SLC22A15: variants seen among roughly 807,000 people sequenced by gnomAD.
The protein encoded by SLC22A15 is flipt 1.
Under a neutral mutation model 62.7 loss-of-function variants are expected in SLC22A15, and 45 were observed. The observed-to-expected ratio is 0.72, with a 90% CI of 0.56 to 0.92. SLC22A15 has a LOEUF of 0.92. Among genes scored for constraint, SLC22A15 ranks in the 40% least tolerant of loss-of-function variants. SLC22A15 has a pLI of 0.00. For synonymous variants in SLC22A15, 264 were observed against 267.0 expected (o/e 0.99, Z 0.11); for missense variants, 622 against 665.6 (o/e 0.93, Z 0.72).
At position 115,992,031 on chromosome 1, in the gene SLC22A15, C is replaced by G; in HGVS notation, c.88C>G (p.Leu30Val). The G allele has an allele frequency of 6.2e-7, 1 of 1,613,010 alleles. No individual in the cohort carries two copies. Among genetic ancestry groups the G allele is most frequent in the Non-Finnish European group, 8.5e-7 (1 of 1,179,740 alleles). ...LCFLLAVLLQ[L>V]YVATEAILIA... ...TGGTTCTGTGTGTTTGCTCTTTCAG[C>G]TCTACGTGGCCACGGAGGCCATCCT... Residue 30 changes from leucine to valine, a missense_variant and splice_region_variant, in exon 2 of 12, where the codon CTC (leucine) becomes GTC (valine). Leu to Val is a conservative substitution (Grantham distance 32). Coordinates refer to ENST00000369503, the MANE Select transcript of SLC22A15 (RefSeq NM_018420.3).
Position 116,062,811 on chromosome 1 carries a change from G to C in SLC22A15, c.1221G>C (p.Gly407=). The part of the protein sequence containing the change: ...VVNSHSLSLL[G]KLTISAAFNI... ...ACAGCCATTCCTTGTCCTTGCTGGG[G>C]AAGCTGACCATCAGTGCTGCCTTTA... is the stretch of plus-strand genomic sequence containing the variant. Residue 407 remains glycine, a synonymous_variant, in exon 9 of 12, where the codon GGG becomes GGC. Coordinates refer to ENST00000369503, the MANE Select transcript of SLC22A15 (RefSeq NM_018420.3). 1 of 1,613,904 alleles carries C rather than the reference G, an allele frequency of 6.2e-7. No homozygotes were observed. Among genetic ancestry groups the C allele is most frequent in the Non-Finnish European group, 8.5e-7 (1 of 1,179,830 alleles).
intron 8 of SLC22A15, among the ~76,000 whole-genome samples, chr1:116,043,645 A>G (rs1657851176): frequency 6.6e-6 from 1 of 152,160 alleles, no homozygotes; most frequent in Admixed American, 6.5e-5. Context: ...ATAAAAGCAA[A>G]AAAATCAATG....
intron 5 of SLC22A15, among the ~76,000 whole-genome samples, chr1:116,028,070 T>C (rs1401140108): frequency 6.6e-6 from 1 of 152,214 alleles, no homozygotes; most frequent in Non-Finnish European, 1.5e-5. Context: ...AGACCTGTAG[T>C]AGTGTTTTAA....
rs1373479517 is a variant in SLC22A15 at position 115,976,763 on chromosome 1, G to A, written c.87+49G>A. On this transcript the variant is annotated intron_variant, in intron 1 of 11. Transcript: ENST00000369503. ...CGCATTTCCCTCTTCAGGGCCGCCC[G>A]GCGCAGGGCTAGGCGTCCGCTCCCA... The A allele has an allele frequency of 4.2e-6, 6 of 1,443,684 alleles. No individual in the cohort carries two copies. In the African/African-American group the frequency reaches 5.8e-5, roughly 14 times the overall value. The allele number at this position is 1,443,684 out of a possible 1,614,324, so 89.4% of individuals were successfully genotyped here.
At chr1:115,985,839 C>T (rs904913303) in intron 1 of SLC22A15, among the ~76,000 whole-genome samples, 27 of 149,178 alleles carry the variant, frequency 1.8e-4, no homozygotes, top group Non-Finnish European at 2.5e-4. Context: ...CCCAGCTACT[C>T]GGGAGGCTGA....
Position 116,027,006 on chromosome 1 carries a change from G to T in SLC22A15, c.712G>T (p.Val238Phe). The T allele has an allele frequency of 6.2e-7, 1 of 1,613,602 alleles. No homozygotes were observed. Among genetic ancestry groups the T allele is most frequent in the Non-Finnish European group, 8.5e-7 (1 of 1,179,716 alleles). The stretch of plus-strand genomic sequence containing the variant: ...TCTGGTTAACCTGCAGGGAACGGTG[G>T]TCTTTCTCTTATCTTTGTAAGTAGT... ...AILVNLQGTV[V>F]FLLSLFIPES... Residue 238 changes from valine to phenylalanine, a missense_variant, in exon 5 of 12, where the codon GTC becomes TTC. Transcript: ENST00000369503.
intron 8 of SLC22A15, among the ~76,000 whole-genome samples, chr1:116,044,210 A>T (rs1657868520): frequency 6.6e-6 from 1 of 152,230 alleles, no homozygotes; most frequent in Admixed American, 6.5e-5. Context: ...CTTAAACAAA[A>T]TATTAGCAAA....
chr1:116,051,344 T>C (rs1360872479), intron 8 of SLC22A15, among the ~76,000 whole-genome samples: 1 of 152,084 alleles, frequency 6.6e-6, no homozygotes, highest in African/African-American at 2.4e-5. Flanking sequence ...CAAAACAGCA[T>C]GATAGTGGTA....
At chr1:116,052,833 T>G (rs1255838400) in intron 8 of SLC22A15, among the ~76,000 whole-genome samples, 1 of 152,162 alleles carries the variant, frequency 6.6e-6, no homozygotes, top group Non-Finnish European at 1.5e-5. Flanking sequence ...CCAACAGACC[T>G]GCAGCTGAGG....
At chr1:116,014,469 G>T (rs1450872681) in intron 2 of SLC22A15, among the ~76,000 whole-genome samples, 3 of 152,212 alleles carry the variant, frequency 2.0e-5, no homozygotes, top group Middle Eastern at 3.4e-3. Flanking sequence ...TACAGATGCT[G>T]GTTATAAAAC....
At chr1:116,015,982 GT>G (rs1379896794) in intron 2 of SLC22A15, among the ~76,000 whole-genome samples, 4 of 152,040 alleles carry the variant, frequency 2.6e-5, no homozygotes, top group African/African-American at 9.7e-5. Flanking sequence ...AACTATCCAT[GT>G]TTCAAAATAA....
intron 5 of SLC22A15, among the ~76,000 whole-genome samples, chr1:116,031,071 T>C (rs1461575532): frequency 6.6e-6 from 1 of 152,162 alleles, no homozygotes; most frequent in Non-Finnish European, 1.5e-5. Flanking sequence ...TGTTAATATT[T>C]AACATATTAA....
intron 8 of SLC22A15, among the ~76,000 whole-genome samples, chr1:116,040,759 G>A (rs558106986): frequency 6.6e-6 from 1 of 152,266 alleles, no homozygotes; most frequent in South Asian, 2.1e-4. Context: ...TGGGACTACA[G>A]GCATGTGCCA....
intron 3 of SLC22A15, among the ~76,000 whole-genome samples, chr1:116,019,924 C>A (rs919924231): frequency 6.6e-6 from 1 of 152,198 alleles, no homozygotes; most frequent in African/African-American, 2.4e-5. Context: ...TAGTTAAAGT[C>A]AGATATTTGT....
At chr1:115,987,698 TA>T (rs898400383) in intron 1 of SLC22A15, among the ~76,000 whole-genome samples, 26 of 152,260 alleles carry the variant, frequency 1.7e-4, no homozygotes, top group African/African-American at 6.0e-4. Context: ...ACTAAATGCA[TA>T]AAAAAACTAA....
chr1:116,062,745 G>A lies in SLC22A15; in HGVS notation c.1172-17G>A. 1 of 1,613,570 alleles carries A rather than the reference G, an allele frequency of 6.2e-7. No individual in the cohort carries two copies. The highest frequency in any genetic ancestry group is 8.5e-7 in the Non-Finnish European group (1 of 1,179,590). ...TTCAACTGTGGGTCTCACAGGCATTGCCCTTGTCCTCCTCAGACACAGGTG... is the reference window on the plus strand; with the variant it reads ...TTCAACTGTGGGTCTCACAGGCATTACCCTTGTCCTCCTCAGACACAGGTG... On this transcript the variant is annotated splice_polypyrimidine_tract_variant and intron_variant, in intron 8 of 11. Coordinates refer to ENST00000369503, the MANE Select transcript of SLC22A15 (RefSeq NM_018420.3).
intron 8 of SLC22A15, among the ~76,000 whole-genome samples, chr1:116,048,597 A>T (rs1420974871): frequency 2.0e-5 from 3 of 152,228 alleles, no homozygotes; most frequent in Admixed American, 2.0e-4. Flanking sequence ...AAATCTTGAA[A>T]CAAATCCTGG....
At chr1:116,000,625 C>CTTTTTTTTTTTTTTTTT (rs56303802) in intron 2 of SLC22A15, among the ~76,000 whole-genome samples, 1 of 88,214 alleles carries the variant, frequency 1.1e-5, no homozygotes, top group East Asian at 3.7e-4. Context: ...CTTTTTTTTC[C>CTTTTTTTTTTTTTTTTT]TTTTTTTTTT....
At chr1:116,064,336 C>T in intron 9 of SLC22A15, 100 bp from the exon 10 acceptor site, 2 of 777,406 alleles carry the variant, frequency 2.6e-6, no homozygotes, top group Non-Finnish European at 4.4e-6. Context: ...TCCTGTGCTT[C>T]CACTTCAGGA....
Sources: gnomAD v4.1 joint callset for allele counts (sites outside exome capture counted in the v4.1 genomes callset) on GRCh38, gnomAD v4.1.1 for gene constraint, MANE v1.5 for transcripts, NCBI Gene and HGNC (gene_info 2026-07-23, HGNC 2026-07-21) for gene names.